PSG2: variants seen among roughly 807,000 people sequenced by gnomAD.
PSG2 encodes the protein pregnancy-specific beta-1-glycoprotein 2.
A neutral mutation model predicts 36.2 loss-of-function variants in PSG2; 49 were observed. The ratio of observed to expected loss-of-function variants is 1.35; its 90% CI spans 1.08 to 1.72. The LOEUF (loss-of-function observed/expected upper bound fraction) is 1.72, where lower values mean the gene tolerates loss of function less well. Among genes scored for constraint, PSG2 ranks in the 40% most tolerant of loss-of-function variants. The probability of loss-of-function intolerance (pLI) is 0.00; values close to 1 mark genes in which losing one functional copy is unlikely to be tolerated. For missense variants in PSG2, 605 were observed against 407.2 expected, an observed-to-expected ratio of 1.49 and a Z score of -4.18; for synonymous variants, 261 against 155.6, an observed-to-expected ratio of 1.68 and a Z score of -5.04.
intron 2 of PSG2, among the ~76,000 whole-genome samples, chr19:43,078,325 G>A (rs1967925590): frequency 6.6e-6 from 1 of 151,834 alleles, no homozygotes; most frequent in Non-Finnish European, 1.5e-5. Context: ...TTATAGGAGG[G>A]AACCGAATTC....
intron 2 of PSG2, among the ~76,000 whole-genome samples, chr19:43,076,746 G>A (rs1192107009): frequency 6.6e-6 from 1 of 151,640 alleles, no homozygotes; most frequent in Non-Finnish European, 1.5e-5. Context: ...GAGATCTCCT[G>A]TACAGCCTCG....
Position 43,064,852 on chromosome 19 carries a change from G to T in PSG2, c.*41-251C>A, listed in dbSNP as rs181858350. On this transcript the variant is annotated intron_variant, in intron 5 of 5. Transcript: ENST00000406487. ...ACTCATTAAAAAAATTTTTTTTTCA[G>T]ATGGAGTCTCACTCTGTCACCCAGA... is the stretch of plus-strand genomic sequence containing the variant. Among the ~76,000 whole-genome samples the T allele has an allele frequency of 5.2e-4, 79 of 151,508 alleles. 1 individual carries two copies. Among genetic ancestry groups the T allele is most frequent in the Admixed American group, 5.0e-3 (77 of 15,252 alleles).
In PSG2 at chr19:43,081,205, C is replaced by T. The variant is rs139102501; in HGVS notation, c.106G>A (p.Val36Ile). ...TTTGGTGGCTGGGCTTCAATCGTGA[C>T]TTGGGCAGTGGTGGGCAGGTTCCAG... ...NFWNLPTTAQ[V>I]TIEAQPPKVS... Residue 36 changes from valine to isoleucine, a missense_variant, in exon 2 of 6, where the codon GTC (valine) becomes ATC (isoleucine). Transcript: ENST00000406487. 3.0e-4 allele frequency: 484 copies of T among 1,612,600 alleles called. 6 individuals are homozygous for T. Among genetic ancestry groups the T allele is most frequent in the Admixed American group, 4.2e-4 (25 of 59,888 alleles).
At chr19:43,066,417 A>T in intron 5 of PSG2, 100 bp downstream of exon 5, 1 of 859,858 alleles carries the variant, frequency 1.2e-6, no homozygotes. Flanking sequence ...TGGAGGAAGG[A>T]GGAGATGCAG....
intron 5 of PSG2, among the ~76,000 whole-genome samples, chr19:43,066,219 A>G (rs1415545470): frequency 3.3e-5 from 5 of 151,718 alleles, no homozygotes; most frequent in Admixed American, 2.0e-4. Flanking sequence ...AGAGAATTAC[A>G]CTATTGAGAG....
intron 3 of PSG2, chr19:43,072,384 T>G (rs1288615145): frequency 5.6e-6 from 9 of 1,612,588 alleles, no homozygotes; most frequent in Non-Finnish European, 7.6e-6. Flanking sequence ...TCACTGTGGA[T>G]GCCACCATAT....
Position 43,072,757 on chromosome 19 carries a change from T to C in PSG2, c.710-803A>G, listed in dbSNP as rs960213019. The C allele has an allele frequency of 1.8e-4, 274 of 1,496,938 alleles. 2 individuals carry two copies. The highest frequency in any genetic ancestry group is 2.5e-4 in the Admixed American group (13 of 51,110). The allele number at this position is 1,496,938 out of a possible 1,614,324, so 92.7% of individuals were successfully genotyped here. ...AGTCCTTGAAAGCCAATAACTGGTG[T>C]GTGTGTCACAAGACAGATGCATGAT... On this transcript the variant is annotated intron_variant, in intron 3 of 5. Coordinates refer to ENST00000406487, the MANE Select transcript of PSG2 (RefSeq NM_031246.4).
At position 43,082,376 on chromosome 19, in the gene PSG2, G is replaced by A. The variant is rs1484500207; in HGVS notation, c.64+130C>T. 97 of 1,415,014 alleles carry A rather than the reference G, an allele frequency of 6.9e-5. 1 individual carries two copies. Among genetic ancestry groups the A allele is most frequent in the South Asian group, 4.3e-4 (37 of 85,838 alleles). 87.7% of individuals were successfully genotyped at this position (1,415,014 alleles called of 1,614,324 possible). On this transcript the variant is annotated intron_variant, in intron 1 of 5. Transcript: ENST00000406487. Reference sequence around the variant, plus strand: ...AGACTGACCTTGAACTCCTGATCTCGTGATCCACCCACCTCAGCCTCCCTA... The same window carrying A: ...AGACTGACCTTGAACTCCTGATCTCATGATCCACCCACCTCAGCCTCCCTA...
At chr19:43,068,545 T>C (rs1967774272) in intron 4 of PSG2, among the ~76,000 whole-genome samples, 1 of 150,878 alleles carries the variant, frequency 6.6e-6, no homozygotes, top group South Asian at 2.1e-4. Flanking sequence ...GAAAGTACTA[T>C]AAATAATTGT....
rs1064935 is a variant in PSG2 at position 43,071,776 on chromosome 19, G to A, written c.888C>T (p.Ser296=). The A allele has an allele frequency of 8.4e-3, 13,578 of 1,612,516 alleles. 584 individuals carry two copies. In the East Asian group the frequency reaches 0.087, roughly 10 times the overall value. ...LFIPQITTKH[S]GLYVCSVRNS... ...TACGAACAGAGCAAACATAGAGCCC[G>A]CTATGCTTTGTAGTAATTTGGGGGA... The change falls in exon 4 of 6, where the codon AGC becomes AGT. Residue 296 remains serine (S), a synonymous_variant. Transcript: ENST00000406487.
At chr19:43,077,382 A>C (rs1967912173) in intron 2 of PSG2, among the ~76,000 whole-genome samples, 1 of 151,794 alleles carries the variant, frequency 6.6e-6, no homozygotes, top group African/African-American at 2.4e-5. Flanking sequence ...TAAATATAGA[A>C]AGAACTCCCT....
rs1967885131 is a variant in PSG2 at position 43,075,648 on chromosome 19, A to G, written c.431-16T>C. 1.9e-6 allele frequency: 3 copies of G among 1,606,798 alleles called. No individual in the cohort carries two copies. The highest frequency in any genetic ancestry group is 2.2e-5 in the South Asian group (2 of 90,448). On this transcript the variant is annotated splice_polypyrimidine_tract_variant and intron_variant, in intron 2 of 5. Coordinates refer to ENST00000406487, the MANE Select transcript of PSG2 (RefSeq NM_031246.4). The stretch of plus-strand genomic sequence containing the variant: ...GGAGTCTCCACTGTGCAGAAAACAG[A>G]GAGAAGATTGCCCTGTGTGGCACCT...
At chr19:43,071,981 G>A (rs1486672686) in intron 3 of PSG2, 27 bp from the exon 4 acceptor site, 1 of 1,607,548 alleles carries the variant, frequency 6.2e-7, no homozygotes, top group African/African-American at 1.3e-5. Context: ...AAAGCCACAG[G>A]TGATGCCATC....
chr19:43,068,372 G>A (rs76077200), intron 4 of PSG2, among the ~76,000 whole-genome samples: 1,783 of 150,990 alleles, frequency 0.012, 82 homozygotes, highest in African/African-American at 0.041. Context: ...CCAGGAGGTT[G>A]AGGCTGCAGT....
Position 43,070,298 on chromosome 19 carries a change from C to T in PSG2, c.964+1402G>A, listed in dbSNP as rs974257048. On this transcript the variant is annotated intron_variant, in intron 4 of 5. Coordinates refer to ENST00000406487, the MANE Select transcript of PSG2 (RefSeq NM_031246.4). ...CTGTAAAAATTGGTGTGCTGTTTCT[C>T]AAAAAATTAAACAATAAATTACCGT... Among the ~76,000 whole-genome samples, 3 of 151,616 alleles carry T rather than the reference C, an allele frequency of 2.0e-5. 1 individual carries two copies. The highest frequency in any genetic ancestry group is 4.9e-5 in the African/African-American group (2 of 41,042).
At chr19:43,080,701 G>C (rs1225063359) in intron 2 of PSG2, among the ~76,000 whole-genome samples, 180 bp downstream of exon 2, 7 of 151,572 alleles carry the variant, frequency 4.6e-5, no homozygotes, top group Non-Finnish European at 1.0e-4. Flanking sequence ...TGCGGGAAAG[G>C]AATTCTGATC....
intron 2 of PSG2, among the ~76,000 whole-genome samples, chr19:43,078,039 G>T (rs1321624923): frequency 7.3e-5 from 11 of 151,650 alleles, no homozygotes; most frequent in Non-Finnish European, 1.6e-4. Context: ...ATGGGCTTGG[G>T]GGACTGCAGG....
Position 43,082,547 on chromosome 19 carries a change from G to A in PSG2, c.23C>T (p.Pro8Leu). 6.2e-7 allele frequency: 1 copy of A among 1,612,092 alleles called. No homozygotes were observed. Among genetic ancestry groups the A allele is most frequent in the Non-Finnish European group, 8.5e-7 (1 of 1,179,132 alleles). Reference sequence around the variant, plus strand: ...CTTCCATTTGATGTGCTCTGTGCAGGGAGGGGCTGAGAGGGGCCCCATGGT... The same window carrying A: ...CTTCCATTTGATGTGCTCTGTGCAGAGAGGGGCTGAGAGGGGCCCCATGGT... The part of the protein sequence containing the change: MGPLSAP[P>L]CTEHIKWKGL... Residue 8 changes from proline (P) to leucine (L), a missense_variant, in exon 1 of 6, where the codon CCC becomes CTC. Physicochemically the swap from Pro to Leu is moderately conservative, Grantham distance 98 (BLOSUM62 -3). Coordinates refer to ENST00000406487, the MANE Select transcript of PSG2 (RefSeq NM_031246.4).
intron 2 of PSG2, 117 bp downstream of exon 2, chr19:43,080,764 G>A (rs1967959532): frequency 6.3e-7 from 1 of 1,590,598 alleles, no homozygotes; most frequent in Non-Finnish European, 8.6e-7. Flanking sequence ...CCAAACCCCA[G>A]CATGGGACAT....
Sources: allele counts gnomAD v4.1 joint callset (sites outside exome capture counted in the v4.1 genomes callset), GRCh38; gene constraint gnomAD v4.1.1; transcripts MANE v1.5; gene names NCBI Gene and HGNC (gene_info 2026-07-23, HGNC 2026-07-21).